Variants in SLC35F3 observed in about 807,000 individuals in gnomAD.
SLC35F3 encodes solute carrier family 35 member F3, also known as putative thiamine transporter SLC35F3.
In SLC35F3, 25 loss-of-function variants were observed where a neutral mutation model predicts 49.9. The ratio of observed to expected loss-of-function variants is 0.50; its 90% CI spans 0.37 to 0.70. The LOEUF is 0.70. Ranked by LOEUF, SLC35F3 falls within the 30% of genes least tolerant of loss-of-function variation. The pLI is 0.00. For missense variants in SLC35F3, 525 were observed against 639.8 expected (o/e 0.82, Z 1.94); for synonymous variants, 275 against 265.4 (o/e 1.04, Z -0.35).
chr1:234,157,011 A>G (rs1666164065), intron 2 of SLC35F3, among the ~76,000 whole-genome samples: 1 of 152,154 alleles, frequency 6.6e-6, no homozygotes, highest in African/African-American at 2.4e-5. Flanking sequence ...TTGGGAGGAG[A>G]TGATAAAAAT....
chr1:233,960,359 C>G (rs1662774974), intron 2 of SLC35F3, among the ~76,000 whole-genome samples: 1 of 152,196 alleles, frequency 6.6e-6, no homozygotes, highest in African/African-American at 2.4e-5. Flanking sequence ...TTAAACATGT[C>G]TTTTTCTCCG....
At chr1:233,932,322 T>C (rs1662256702) in intron 2 of SLC35F3, among the ~76,000 whole-genome samples, 1 of 152,082 alleles carries the variant, frequency 6.6e-6, no homozygotes, top group Non-Finnish European at 1.5e-5. Context: ...GGTCTTGCTG[T>C]CTCAGGGGTG....
At chr1:234,251,448 C>G (rs964463068) in intron 3 of SLC35F3, among the ~76,000 whole-genome samples, 2 of 123,602 alleles carry the variant, frequency 1.6e-5, no homozygotes, top group African/African-American at 6.6e-5. Flanking sequence ...GAAAAGAGCC[C>G]ATTTACAAAC....
chr1:234,191,005 C>A (rs1256237981), intron 2 of SLC35F3, among the ~76,000 whole-genome samples: 1 of 152,208 alleles, frequency 6.6e-6, no homozygotes, highest in Non-Finnish European at 1.5e-5. Flanking sequence ...AGCTGCCGAG[C>A]TTCCACAGCC....
chr1:234,064,971 G>A (rs185852326), intron 2 of SLC35F3, among the ~76,000 whole-genome samples: 211 of 152,250 alleles, frequency 1.4e-3, no homozygotes, highest in African/African-American at 4.9e-3. Flanking sequence ...AGAAGACAGC[G>A]AAAAATAGTG....
intron 2 of SLC35F3, among the ~76,000 whole-genome samples, chr1:233,908,376 A>C (rs1661810052): frequency 6.6e-6 from 1 of 152,144 alleles, no homozygotes; most frequent in Non-Finnish European, 1.5e-5. Context: ...TGAATGACCC[A>C]ATATTCATTT....
intron 2 of SLC35F3, among the ~76,000 whole-genome samples, chr1:234,136,559 A>G (rs552890049): frequency 2.0e-5 from 3 of 152,330 alleles, no homozygotes; most frequent in Admixed American, 2.0e-4. Context: ...TTCACTAAAC[A>G]GATATTCCCA....
intron 2 of SLC35F3, among the ~76,000 whole-genome samples, chr1:233,924,164 G>T (rs1369714015): frequency 6.6e-6 from 1 of 152,188 alleles, no homozygotes; most frequent in African/African-American, 2.4e-5. Context: ...CTCATAAAAT[G>T]ATTTACGGAA....
chr1:234,276,917 C>A (rs895518626), intron 3 of SLC35F3, among the ~76,000 whole-genome samples: 6 of 152,214 alleles, frequency 3.9e-5, no homozygotes, highest in African/African-American at 1.4e-4. Flanking sequence ...GGCCTCTTGC[C>A]ACTGGCATCA....
chr1:233,983,132 C>T (rs528531370), intron 2 of SLC35F3, among the ~76,000 whole-genome samples: 1 of 152,214 alleles, frequency 6.6e-6, no homozygotes, highest in African/African-American at 2.4e-5. Flanking sequence ...ATAAAGAAAC[C>T]ACAGAACTTT....
chr1:234,277,879 G>A (rs1668237031), intron 3 of SLC35F3, among the ~76,000 whole-genome samples: 1 of 152,216 alleles, frequency 6.6e-6, no homozygotes, highest in Non-Finnish European at 1.5e-5. Flanking sequence ...AGGAGGATGT[G>A]CGGCATCACT....
intron 2 of SLC35F3, among the ~76,000 whole-genome samples, chr1:233,920,706 G>A (rs754781698): frequency 1.3e-5 from 2 of 152,224 alleles, no homozygotes; most frequent in Admixed American, 6.5e-5. Flanking sequence ...ATGAGATTCC[G>A]TCTTGCTAGC....
intron 2 of SLC35F3, among the ~76,000 whole-genome samples, chr1:233,983,211 A>G (rs955148469): frequency 6.6e-5 from 10 of 152,198 alleles, no homozygotes; most frequent in African/African-American, 2.4e-4. Flanking sequence ...ATCAGAAAAT[A>G]CATTTCAAAT....
intron 2 of SLC35F3, among the ~76,000 whole-genome samples, chr1:234,147,428 T>C (rs1666015297): frequency 6.6e-6 from 1 of 152,214 alleles, no homozygotes; most frequent in African/African-American, 2.4e-5. Flanking sequence ...ATATTATTGC[T>C]TCATATTTAT....
At chr1:234,319,790 G>C (rs528533442) in intron 6 of SLC35F3, among the ~76,000 whole-genome samples, 48 of 152,288 alleles carry the variant, frequency 3.2e-4, no homozygotes. Context: ...CAGAAGCATT[G>C]CCAGCAGCAG....
chr1:233,964,302 C>T (rs1260959400), intron 2 of SLC35F3, among the ~76,000 whole-genome samples: 1 of 152,202 alleles, frequency 6.6e-6, no homozygotes, highest in Non-Finnish European at 1.5e-5. Context: ...ATGCACACAG[C>T]CATACGTAGA....
chr1:234,169,769 TG>T (rs1482703540), intron 2 of SLC35F3, among the ~76,000 whole-genome samples: 1 of 151,954 alleles, frequency 6.6e-6, no homozygotes, highest in Non-Finnish European at 1.5e-5. Flanking sequence ...TGTTTTGTTT[TG>T]TTTTGTTTTG....
At chr1:233,962,553 A>C (rs538713945) in intron 2 of SLC35F3, among the ~76,000 whole-genome samples, 1 of 152,348 alleles carries the variant, frequency 6.6e-6, no homozygotes, top group Admixed American at 6.5e-5. Context: ...GTTCATAATA[A>C]AATGAATCAA....
intron 2 of SLC35F3, among the ~76,000 whole-genome samples, chr1:233,992,676 A>C (rs1434032164): frequency 6.6e-6 from 1 of 152,216 alleles, no homozygotes; most frequent in Non-Finnish European, 1.5e-5. Context: ...AAATTTCAAC[A>C]TGAGTTTTGG....
Sources: gnomAD v4.1 joint callset for allele counts (sites outside exome capture counted in the v4.1 genomes callset) on GRCh38, gnomAD v4.1.1 for gene constraint, MANE v1.5 for transcripts, NCBI Gene and HGNC (gene_info 2026-07-23, HGNC 2026-07-21) for gene names.